Variants in PPM1A observed in about 807,000 individuals in gnomAD.
PPM1A encodes the protein protein phosphatase, Mg2+/Mn2+ dependent 1A.
In PPM1A, 7 loss-of-function variants were observed where a neutral mutation model predicts 35.0. The ratio of observed to expected loss-of-function variants is 0.20; its 90% CI spans 0.11 to 0.38. PPM1A has a LOEUF of 0.38. Ranked by LOEUF, PPM1A falls within the 10% of genes least tolerant of loss-of-function variation. The pLI, the probability that PPM1A is intolerant of heterozygous loss-of-function variation, is 1.00. For synonymous variants in PPM1A, 153 were observed against 167.3 expected (o/e 0.91, Z 0.66); for missense variants, 239 against 467.8 (o/e 0.51, Z 4.51).
intron 1 of PPM1A, among the ~76,000 whole-genome samples, chr14:60,281,517 C>T (rs145168285): frequency 1.3e-5 from 2 of 152,240 alleles, no homozygotes; most frequent in African/African-American, 4.8e-5. Flanking sequence ...AGTGATTTAC[C>T]TAGATACTTT....
intron 1 of PPM1A, among the ~76,000 whole-genome samples, chr14:60,254,366 G>A (rs1882792697): frequency 6.6e-6 from 1 of 152,154 alleles, no homozygotes; most frequent in South Asian, 2.1e-4. Flanking sequence ...ATGATTAGGT[G>A]GGAGTAGATG....
At chr14:60,288,220 T>C (rs989939835) in intron 3 of PPM1A, 2 of 977,148 alleles carry the variant, frequency 2.0e-6, no homozygotes, top group East Asian at 2.3e-4. Flanking sequence ...TGTAATTTTC[T>C]TCACAGTTAA....
rs2031628 is a variant in PPM1A at position 60,249,298 on chromosome 14, C to G, written c.-400C>G. 379,135 of 978,150 alleles carry G rather than the reference C, an allele frequency of 0.39. 80,183 individuals are homozygous for G. The highest frequency in any genetic ancestry group is 0.84 in the African/African-American group (46,663 of 55,830). 60.6% of individuals were successfully genotyped at this position (978,150 alleles called of 1,614,324 possible). Reference sequence around the variant, plus strand: ...GCTAGAGAGCAGTGGTCTCGGCGCTCGTCCGGCCCGCAGCTTCGGGTCCTC... The same window carrying G: ...GCTAGAGAGCAGTGGTCTCGGCGCTGGTCCGGCCCGCAGCTTCGGGTCCTC... On this transcript the variant is annotated 5_prime_UTR_variant, in exon 1 of 6. Transcript: ENST00000395076. The surrounding 1 kb of genome is among the most constrained non-coding windows in gnomAD (Gnocchi z 4.5).
intron 1 of PPM1A, among the ~76,000 whole-genome samples, chr14:60,256,571 T>C (rs1388145241): frequency 6.6e-6 from 1 of 152,238 alleles, no homozygotes; most frequent in Non-Finnish European, 1.5e-5. Flanking sequence ...ATACTTTGTG[T>C]TCCTCTTATG....
In PPM1A at chr14:60,297,200, GC is replaced by G. The variant is rs1369218353; in HGVS notation, c.*4719del. 1 of 151,470 alleles carries G rather than the reference GC, an allele frequency of 6.6e-6. No individual in the cohort carries two copies. The highest frequency in any genetic ancestry group is 1.5e-5 in the Non-Finnish European group (1 of 67,634). 9.4% of individuals were successfully genotyped at this position (151,470 alleles called of 1,614,324 possible). A position where few individuals can be genotyped will look rare whatever the true frequency, so the allele number is the denominator to read the frequency against. Reference sequence around the variant, plus strand: ...TTAGTGTGTTACTTCATCAAGGCCAGCTAATACTGTGTTAAACCGGGCTGAA... The same window carrying G: ...TTAGTGTGTTACTTCATCAAGGCCAGTAATACTGTGTTAAACCGGGCTGAA... On this transcript the variant is annotated 3_prime_UTR_variant, in exon 6 of 6. Transcript: ENST00000395076.
chr14:60,264,197 G>A (rs1232566227), intron 1 of PPM1A, among the ~76,000 whole-genome samples: 1 of 152,056 alleles, frequency 6.6e-6, no homozygotes, highest in Non-Finnish European at 1.5e-5. Flanking sequence ...GCTAGATAGG[G>A]AATTCTTGGT....
chr14:60,292,564 C>A lies in PPM1A; in HGVS notation c.*82C>A. 1 of 1,285,732 alleles carries A rather than the reference C, an allele frequency of 7.8e-7. No individual in the cohort carries two copies. Among genetic ancestry groups the A allele is most frequent in the Non-Finnish European group, 1.1e-6 (1 of 898,616 alleles). 79.6% of individuals were successfully genotyped at this position (1,285,732 alleles called of 1,614,324 possible). On this transcript the variant is annotated 3_prime_UTR_variant, in exon 6 of 6. Transcript: ENST00000395076. This position sits in a 1 kb window ranked among gnomAD's most constrained non-coding sequence, Gnocchi z 4.2. ...CTTTGTTGAAACTTTTAACATCCATCCTCAACTTTAAGGAAGGGGATATGA... is the reference window on the plus strand; with the variant it reads ...CTTTGTTGAAACTTTTAACATCCATACTCAACTTTAAGGAAGGGGATATGA...
At chr14:60,253,376 T>G (rs1269297345) in intron 1 of PPM1A, among the ~76,000 whole-genome samples, 1 of 152,180 alleles carries the variant, frequency 6.6e-6, no homozygotes, top group East Asian at 1.9e-4. Flanking sequence ...CTAAAATATG[T>G]GATGTTATCT....
At chr14:60,281,641 T>C (rs561979882) in intron 1 of PPM1A, among the ~76,000 whole-genome samples, 1 of 152,214 alleles carries the variant, frequency 6.6e-6, no homozygotes. Context: ...ACTTGATTAC[T>C]TGAACCCAGG....
In PPM1A at chr14:60,269,296, C is replaced by A. The variant is rs150811816; in HGVS notation, c.-20-13388C>A. Among the ~76,000 whole-genome samples, 550 of 152,164 alleles carry A rather than the reference C, an allele frequency of 3.6e-3. 14 individuals carry two copies. Among genetic ancestry groups the A allele is most frequent in the Admixed American group, 0.031 (480 of 15,288 alleles). On this transcript the variant is annotated intron_variant, in intron 1 of 5. Coordinates refer to ENST00000395076, the MANE Select transcript of PPM1A (RefSeq NM_021003.5). The stretch of plus-strand genomic sequence containing the variant: ...TAGTCTCTTGATTGCATGAATCTAT[C>A]TTTAAATAGTTTATTTTTTCAGAAA...
At chr14:60,284,697 ATGTGTGTGTG>A (rs1353884470) in intron 2 of PPM1A, among the ~76,000 whole-genome samples, 1 of 115,304 alleles carries the variant, frequency 8.7e-6, no homozygotes, top group African/African-American at 5.0e-5. Flanking sequence ...ATATATATAT[ATGTGTGTGTG>A]TATATATATA....
At chr14:60,255,413 C>T (rs1196443471) in intron 1 of PPM1A, among the ~76,000 whole-genome samples, 3 of 151,862 alleles carry the variant, frequency 2.0e-5, no homozygotes, top group Middle Eastern at 3.2e-3. Context: ...CCTCGTGATC[C>T]GCCCGCCTCG....
chr14:60,286,899 C>A, intron 3 of PPM1A: 1 of 962,190 alleles, frequency 1.0e-6, no homozygotes, highest in Non-Finnish European at 1.2e-6. Context: ...TACCAAGGGT[C>A]TTGGAATTTT....
intron 5 of PPM1A, among the ~76,000 whole-genome samples, chr14:60,291,858 CT>C (rs1887671870): frequency 1.3e-5 from 2 of 149,896 alleles, no homozygotes; most frequent in South Asian, 4.2e-4. Flanking sequence ...TCTGTCTCAA[CT>C]AAATAGTTCT....
chr14:60,268,493 G>A (rs1884659346), intron 1 of PPM1A: 2 of 687,484 alleles, frequency 2.9e-6, no homozygotes, highest in East Asian at 1.3e-4. Context: ...AGACTATTTA[G>A]TGGCTTACCT....
chr14:60,287,693 C>G, intron 3 of PPM1A: 2 of 985,294 alleles, frequency 2.0e-6, no homozygotes. Flanking sequence ...TCCAGCTCTC[C>G]TTTTCTCTTA....
chr14:60,246,086 T>C (rs1204347938), upstream of PPM1A: 6 of 1,517,950 alleles, frequency 4.0e-6, no homozygotes, highest in Non-Finnish European at 5.3e-6. Context: ...TATGTTCTGG[T>C]TGGCTTTCTA....
At chr14:60,278,331 C>T (rs1434538573) in intron 1 of PPM1A, among the ~76,000 whole-genome samples, 1 of 133,452 alleles carries the variant, frequency 7.5e-6, no homozygotes, top group Non-Finnish European at 1.5e-5. Context: ...TTCTTTGGCT[C>T]CCAGTTTCTT....
At chr14:60,290,567 CAAACATA>C (rs897457514) in intron 4 of PPM1A, among the ~76,000 whole-genome samples, 24 of 152,088 alleles carry the variant, frequency 1.6e-4, no homozygotes, top group African/African-American at 5.3e-4. Flanking sequence ...AATTGACTTA[CAAACATA>C]AAACTTGCAA....
Sources: allele counts gnomAD v4.1 joint callset (sites outside exome capture counted in the v4.1 genomes callset), GRCh38; gene constraint gnomAD v4.1.1; non-coding constraint Gnocchi (gnomAD v3.1); transcripts MANE v1.5; gene names NCBI Gene and HGNC (gene_info 2026-07-23, HGNC 2026-07-21).